Variants in TAF3 observed in about 807,000 individuals in gnomAD.
TAF3 encodes the protein transcription initiation factor TFIID subunit 3.
Under a neutral mutation model 80.6 loss-of-function variants are expected in TAF3, and 7 were observed. The ratio of observed to expected loss-of-function variants is 0.09; its 90% CI spans 0.05 to 0.16. The LOEUF (loss-of-function observed/expected upper bound fraction) is 0.16. Ranked by LOEUF, TAF3 falls within the 10% of genes least tolerant of loss-of-function variation. The pLI is 1.00. For synonymous variants in TAF3, 444 were observed against 446.1 expected, an observed-to-expected ratio of 1.00 and a Z score of 0.06; for missense variants, 921 against 1,140.2, an observed-to-expected ratio of 0.81 and a Z score of 2.77.
In TAF3 at chr10:8,013,733, C is replaced by G. The variant is rs1401277593; in HGVS notation, c.2571C>G (p.Ile857Met). 6.2e-7 allele frequency: 1 copy of G among 1,613,724 alleles called. No homozygotes were observed. Among genetic ancestry groups the G allele is most frequent in the Non-Finnish European group, 8.5e-7 (1 of 1,179,826 alleles). ...CGCTTCCGCTTTGCAAACATCAGAT[C>G]CGAGATGAGTGGGGCAATCAGATCT... Reference protein sequence around the residue: ...VVTETVSTYVIRDEWGNQIWI... With the variant: ...VVTETVSTYVMRDEWGNQIWI... The change falls in exon 6 of 7, where the codon ATC becomes ATG. Residue 857 changes from isoleucine (I) to methionine (M), a missense_variant and splice_region_variant. By Grantham distance (10) the Ile-to-Met change is conservative. Coordinates refer to ENST00000344293, the MANE Select transcript of TAF3 (RefSeq NM_031923.4).
intron 4 of TAF3, among the ~76,000 whole-genome samples, chr10:7,990,031 A>G (rs1376444351): frequency 7.4e-6 from 1 of 135,964 alleles, no homozygotes; most frequent in Non-Finnish European, 1.7e-5. Context: ...CCCAGTTAAA[A>G]TTAACTGTAT....
chr10:7,964,098 G>A lies in TAF3; in HGVS notation c.588G>A (p.Arg196=), dbSNP rs780965185. The change falls in exon 3 of 7, where the codon CGG becomes CGA. Residue 196 remains arginine, a synonymous_variant. Transcript: ENST00000344293. This position sits in a 1 kb window ranked among gnomAD's most constrained non-coding sequence, Gnocchi z 4.1. ...AACTGCCAGCCATGAAGCGGCCTCGGCTATTAAGCACTAAAGGGGACACGC... is the reference window on the plus strand; with the variant it reads ...AACTGCCAGCCATGAAGCGGCCTCGACTATTAAGCACTAAAGGGGACACGC... ...AEELPAMKRP[R]LLSTKGDTLD... 6.2e-7 allele frequency: 1 copy of A among 1,614,090 alleles called. No individual in the cohort carries two copies. Among genetic ancestry groups the A allele is most frequent in the South Asian group, 1.1e-5 (1 of 91,072 alleles).
intron 2 of TAF3, among the ~76,000 whole-genome samples, chr10:7,957,790 G>GCACTCTCT (rs1491127988): frequency 9.0e-6 from 1 of 111,324 alleles, no homozygotes; most frequent in Non-Finnish European, 1.8e-5. Context: ...GCTCTCTCTA[G>GCACTCTCT]CGCGCTCTCT....
intron 2 of TAF3, among the ~76,000 whole-genome samples, chr10:7,845,066 C>T (rs1836955998): frequency 6.6e-6 from 1 of 151,980 alleles, no homozygotes; most frequent in Non-Finnish European, 1.5e-5. Flanking sequence ...CATTGATTTC[C>T]AAAAGAGTTG....
rs535449883 is a variant in TAF3 at position 7,966,395 on chromosome 10, A to T, written c.2232+653A>T. Among the ~76,000 whole-genome samples, 14 of 152,330 alleles carry T rather than the reference A, an allele frequency of 9.2e-5. No individual in the cohort carries two copies. In the East Asian group the frequency reaches 2.7e-3, roughly 29 times the overall value. ...CATGGCAGAAATGTTTGACCATCTC[A>T]GTAAGTCAGACTTCATTTCATAGCA... On this transcript the variant is annotated intron_variant, in intron 3 of 6. Transcript: ENST00000344293.
chr10:7,912,233 G>T (rs1837663236), intron 2 of TAF3, among the ~76,000 whole-genome samples: 1 of 152,064 alleles, frequency 6.6e-6, no homozygotes, highest in South Asian at 2.1e-4. Context: ...ACAAGTAGGA[G>T]AAAAAAATTG....
At chr10:7,865,234 G>C (rs1302484963) in intron 2 of TAF3, among the ~76,000 whole-genome samples, 1 of 152,090 alleles carries the variant, frequency 6.6e-6, no homozygotes, top group African/African-American at 2.4e-5. Flanking sequence ...CTGGGAGGCC[G>C]AGGCGGGCGG....
chr10:7,992,156 A>T (rs555194444), intron 4 of TAF3, among the ~76,000 whole-genome samples: 13 of 152,194 alleles, frequency 8.5e-5, no homozygotes, highest in Non-Finnish European at 1.6e-4. Context: ...TTGCTTTTTC[A>T]TAGTAAAAGC....
In TAF3 at chr10:7,954,583, C is replaced by T. The variant is rs1169999466; in HGVS notation, c.410-9337C>T. Among the ~76,000 whole-genome samples the T allele has an allele frequency of 3.6e-5, 5 of 137,382 alleles. 1 individual carries two copies. Among genetic ancestry groups the T allele is most frequent in the Non-Finnish European group, 7.9e-5 (5 of 63,144 alleles). The allele number at this position is 137,382 out of a possible 152,430, so 90.1% of individuals were successfully genotyped here. On this transcript the variant is annotated intron_variant, in intron 2 of 6. Coordinates refer to ENST00000344293, the MANE Select transcript of TAF3 (RefSeq NM_031923.4). The stretch of plus-strand genomic sequence containing the variant: ...GCTCTCCATAGTGAGATTTAGAGTG[C>T]ACTCCATAGGTGAATGAATGAATTA...
At chr10:7,956,598 A>G (rs1365778068) in intron 2 of TAF3, among the ~76,000 whole-genome samples, 1 of 152,234 alleles carries the variant, frequency 6.6e-6, no homozygotes, top group Non-Finnish European at 1.5e-5. Context: ...CTATTTTTGT[A>G]TACATTATGA....
At chr10:7,968,465 A>AG (rs1335653096) in intron 3 of TAF3, among the ~76,000 whole-genome samples, 1 of 152,254 alleles carries the variant, frequency 6.6e-6, no homozygotes, top group Non-Finnish European at 1.5e-5. Context: ...GGAATCCAGC[A>AG]GACCTGGAAT....
intron 2 of TAF3, among the ~76,000 whole-genome samples, chr10:7,916,600 A>G (rs1256224787): frequency 3.9e-5 from 6 of 152,198 alleles, no homozygotes; most frequent in African/African-American, 9.7e-5. Context: ...TGCAAAAGAC[A>G]TGTTTTTAAT....
chr10:7,910,787 C>T (rs978014701), intron 2 of TAF3, among the ~76,000 whole-genome samples: 2 of 152,170 alleles, frequency 1.3e-5, no homozygotes, highest in Non-Finnish European at 2.9e-5. Flanking sequence ...ATTCGGTGAG[C>T]TCTAAACTGA....
intron 2 of TAF3, among the ~76,000 whole-genome samples, chr10:7,830,088 T>C (rs896753436): frequency 6.6e-6 from 1 of 152,166 alleles, no homozygotes; most frequent in Non-Finnish European, 1.5e-5. Context: ...CTCCTCTGCA[T>C]CTTCCCGTGT....
intron 4 of TAF3, among the ~76,000 whole-genome samples, chr10:7,989,434 C>G (rs1439238848): frequency 6.6e-6 from 1 of 152,162 alleles, no homozygotes; most frequent in Admixed American, 6.5e-5. Flanking sequence ...ATATATTTCA[C>G]GGTGCTGAGA....
intron 2 of TAF3, among the ~76,000 whole-genome samples, chr10:7,892,351 A>T (rs941430293): frequency 6.6e-6 from 1 of 152,194 alleles, no homozygotes; most frequent in Admixed American, 6.5e-5. Context: ...GCTTCATGGA[A>T]TGTATGTTCC....
chr10:7,922,219 T>C (rs2131189825), intron 2 of TAF3, among the ~76,000 whole-genome samples: 1 of 152,234 alleles, frequency 6.6e-6, no homozygotes, highest in Middle Eastern at 3.4e-3. Context: ...TTTTGCTCAT[T>C]GAATAAGCAA....
intron 4 of TAF3, among the ~76,000 whole-genome samples, chr10:8,007,600 AT>A (rs2131439899): frequency 1.3e-5 from 1 of 78,460 alleles, no homozygotes; most frequent in Admixed American, 1.2e-4. Context: ...ATATATATAT[AT>A]ATATATATAC....
At chr10:7,944,545 C>A (rs1838006765) in intron 2 of TAF3, among the ~76,000 whole-genome samples, 1 of 152,134 alleles carries the variant, frequency 6.6e-6, no homozygotes, top group African/African-American at 2.4e-5. Flanking sequence ...GCAGGTCTAA[C>A]TTTGTCTGAG....
Sources: gnomAD v4.1 joint callset for allele counts (sites outside exome capture counted in the v4.1 genomes callset) on GRCh38, gnomAD v4.1.1 for gene constraint, Gnocchi (gnomAD v3.1) non-coding constraint, MANE v1.5 for transcripts, NCBI Gene and HGNC (gene_info 2026-07-23, HGNC 2026-07-21) for gene names.